ADGRL3: variants seen among roughly 807,000 people sequenced by gnomAD.
ADGRL3 encodes the protein calcium-independent alpha-latrotoxin receptor 3.
A neutral mutation model predicts 153.5 loss-of-function variants in ADGRL3; 62 were observed. That is an observed-to-expected ratio of 0.40 (90% CI 0.33 to 0.50). The LOEUF is 0.50. Among genes scored for constraint, ADGRL3 ranks in the 20% least tolerant of loss-of-function variants. ADGRL3 has a pLI of 0.47. For missense variants in ADGRL3, 1,641 were observed against 1,859.4 expected, an observed-to-expected ratio of 0.88 and a Z score of 2.16; for synonymous variants, 710 against 672.5, an observed-to-expected ratio of 1.06 and a Z score of -0.86.
chr4:61,768,804 T>C (rs1045174926), intron 8 of ADGRL3, among the ~76,000 whole-genome samples: 1 of 150,974 alleles, frequency 6.6e-6, no homozygotes, highest in Non-Finnish European at 1.5e-5. Context: ...GGAGAAGGGG[T>C]GGGGGTTTCT....
intron 4 of ADGRL3, among the ~76,000 whole-genome samples, chr4:61,553,523 A>G (rs898982265): frequency 6.6e-6 from 1 of 152,214 alleles, no homozygotes; most frequent in African/African-American, 2.4e-5. Flanking sequence ...GCGTTAAAAT[A>G]GATTCAGCCT....
At chr4:61,272,040 T>C (rs2093213205) in intron 1 of ADGRL3, among the ~76,000 whole-genome samples, 1 of 152,038 alleles carries the variant, frequency 6.6e-6, no homozygotes, top group Admixed American at 6.6e-5. Context: ...TTGTGAGGTC[T>C]TTGGGTAGTG....
intron 5 of ADGRL3, among the ~76,000 whole-genome samples, chr4:61,664,149 T>C (rs1182369668): frequency 2.0e-5 from 3 of 152,144 alleles, no homozygotes; most frequent in Non-Finnish European, 4.4e-5. Flanking sequence ...ACAAATGTAA[T>C]GTTTTGGGGG....
chr4:61,994,916 C>CTT (rs769150522), intron 19 of ADGRL3, among the ~76,000 whole-genome samples: 2 of 140,358 alleles, frequency 1.4e-5, no homozygotes, highest in Admixed American at 7.2e-5. Context: ...CTTTGGTTTT[C>CTT]TTTTTTTTTT....
chr4:61,979,048 A>T (rs980961969), intron 17 of ADGRL3, among the ~76,000 whole-genome samples: 3 of 152,158 alleles, frequency 2.0e-5, no homozygotes, highest in African/African-American at 7.2e-5. Context: ...TACTTATATG[A>T]CACAACCTTG....
At chr4:61,969,317 G>A (rs959870769) in intron 17 of ADGRL3, among the ~76,000 whole-genome samples, 6 of 150,026 alleles carry the variant, frequency 4.0e-5, no homozygotes, top group Non-Finnish European at 8.9e-5. Flanking sequence ...GATAAAAAAT[G>A]GTTTTGATTG....
At chr4:62,017,785 G>C (rs1441834938) in intron 21 of ADGRL3, among the ~76,000 whole-genome samples, 1 of 152,064 alleles carries the variant, frequency 6.6e-6, no homozygotes, top group Non-Finnish European at 1.5e-5. Flanking sequence ...AAGAAAGCAT[G>C]GTTCCTTTCT....
intron 1 of ADGRL3, among the ~76,000 whole-genome samples, chr4:61,215,579 TCTCG>T (rs1742300375): frequency 3.3e-5 from 4 of 120,888 alleles, no homozygotes; most frequent in African/African-American, 1.3e-4. Context: ...TGAGATGGAG[TCTCG>T]CTCTGCTTCT....
At chr4:61,432,799 A>G (rs533801383) in intron 2 of ADGRL3, among the ~76,000 whole-genome samples, 17 of 151,336 alleles carry the variant, frequency 1.1e-4, no homozygotes, top group African/African-American at 3.6e-4. Flanking sequence ...GGTTATAGGC[A>G]TGAGCCACCA....
At chr4:61,219,558 A>G (rs1744417346) in intron 1 of ADGRL3, among the ~76,000 whole-genome samples, 1 of 152,210 alleles carries the variant, frequency 6.6e-6, no homozygotes, top group African/African-American at 2.4e-5. Context: ...ATGATACCTG[A>G]AAAGAGAATA....
chr4:61,746,048 G>A (rs2096655418), intron 8 of ADGRL3, among the ~76,000 whole-genome samples: 1 of 151,988 alleles, frequency 6.6e-6, no homozygotes, highest in African/African-American at 2.4e-5. Flanking sequence ...AAAAGGCAGG[G>A]GTTGCAATCC....
At chr4:61,618,497 T>A (rs1302957838) in intron 5 of ADGRL3, among the ~76,000 whole-genome samples, 3 of 152,014 alleles carry the variant, frequency 2.0e-5, no homozygotes, top group Non-Finnish European at 4.4e-5. Flanking sequence ...TAGGCTGGGG[T>A]TTGATGGATC....
chr4:61,459,830 G>T (rs966420480), intron 2 of ADGRL3, among the ~76,000 whole-genome samples: 1 of 151,908 alleles, frequency 6.6e-6, no homozygotes, highest in African/African-American at 2.4e-5. Flanking sequence ...TTCTTGTAGT[G>T]CAACTGTGCA....
At chr4:61,903,673 A>G (rs2098678745) in intron 11 of ADGRL3, among the ~76,000 whole-genome samples, 2 of 147,132 alleles carry the variant, frequency 1.4e-5, no homozygotes, top group Non-Finnish European at 3.1e-5. Flanking sequence ...AAAAAAAAAA[A>G]AAAAAAAAAA....
chr4:61,645,355 T>G (rs971553399), intron 5 of ADGRL3, among the ~76,000 whole-genome samples: 2 of 151,222 alleles, frequency 1.3e-5, no homozygotes, highest in Non-Finnish European at 2.9e-5. Flanking sequence ...TTTTGCTCGT[T>G]AGTTGATGCA....
At chr4:61,460,084 G>A (rs569815494) in intron 2 of ADGRL3, among the ~76,000 whole-genome samples, 4 of 151,936 alleles carry the variant, frequency 2.6e-5, no homozygotes, top group African/African-American at 7.2e-5. Context: ...AGTTTAATGC[G>A]ATCTCTTTTG....
At chr4:61,462,997 C>G (rs1421093216) in intron 2 of ADGRL3, among the ~76,000 whole-genome samples, 1 of 152,110 alleles carries the variant, frequency 6.6e-6, no homozygotes, top group African/African-American at 2.4e-5. Context: ...AGACCAGTTA[C>G]AGATCTAACA....
At chr4:61,883,112 T>C (rs2098518124) in intron 9 of ADGRL3, among the ~76,000 whole-genome samples, 1 of 152,130 alleles carries the variant, frequency 6.6e-6, no homozygotes, top group African/African-American at 2.4e-5. Context: ...TGAGACTCTG[T>C]CTCAAAAAAC....
intron 17 of ADGRL3, among the ~76,000 whole-genome samples, chr4:61,950,185 G>A (rs1373265745): frequency 1.3e-5 from 2 of 152,028 alleles, no homozygotes; most frequent in African/African-American, 4.8e-5. Context: ...GCACATATGT[G>A]TTAGTAGTGT....
Sources: gnomAD v4.1 joint callset for allele counts (sites outside exome capture counted in the v4.1 genomes callset) on GRCh38, gnomAD v4.1.1 for gene constraint, MANE v1.5 for transcripts, NCBI Gene and HGNC (gene_info 2026-07-23, HGNC 2026-07-21) for gene names.